CCDC171: variants seen among roughly 807,000 people sequenced by gnomAD.
CCDC171 encodes coiled-coil domain-containing protein 171.
CCDC171 carries 177 observed loss-of-function variants against 168.2 expected under a neutral mutation model. The observed-to-expected ratio is 1.05, with a 90% CI of 0.93 to 1.19. The LOEUF (loss-of-function observed/expected upper bound fraction) is 1.19. Among genes scored for constraint, CCDC171 ranks in the 50% most tolerant of loss-of-function variants. The pLI, the probability that CCDC171 is intolerant of heterozygous loss-of-function variation, is 0.00. For synonymous variants in CCDC171, 687 were observed against 540.8 expected (o/e 1.27, Z -3.75); for missense variants, 1,991 against 1,539.0 (o/e 1.29, Z -4.91).
intron 1 of CCDC171, among the ~76,000 whole-genome samples, chr9:16,050,236 T>A (rs1184440859): frequency 6.6e-6 from 1 of 152,240 alleles, no homozygotes; most frequent in Non-Finnish European, 1.5e-5. Context: ...TAATTGTTGA[T>A]AAGTCAAGTG....
intron 9 of CCDC171, among the ~76,000 whole-genome samples, chr9:15,677,849 G>A (rs1184897069): frequency 1.2e-4 from 11 of 90,740 alleles, no homozygotes; most frequent in Admixed American, 8.5e-4. Flanking sequence ...GTGTGTGTGT[G>A]TGTATGTATA....
At chr9:15,874,506 C>A in intron 23 of CCDC171, 26 bp from the exon 24 acceptor site, 2 of 1,571,008 alleles carry the variant, frequency 1.3e-6, no homozygotes, top group Non-Finnish European at 1.7e-6. Context: ...GGGGAATTAC[C>A]ATTGATGCTG....
intron 24 of CCDC171, among the ~76,000 whole-genome samples, chr9:15,910,105 C>A (rs1023220277): frequency 1.3e-5 from 2 of 151,776 alleles, no homozygotes; most frequent in African/African-American, 2.4e-5. Flanking sequence ...TAATTATATC[C>A]ATGTGGCTGC....
chr9:15,932,684 T>C lies in CCDC171; in HGVS notation c.3753+12262T>C, dbSNP rs76008848. Among the ~76,000 whole-genome samples, 177 of 152,048 alleles carry C rather than the reference T, an allele frequency of 1.2e-3. 1 individual carries two copies. In the South Asian group the frequency reaches 0.017, roughly 14 times the overall value. On this transcript the variant is annotated intron_variant, in intron 25 of 25. Coordinates refer to ENST00000380701, the MANE Select transcript of CCDC171 (RefSeq NM_173550.4). ...GGCGAATGTGGATGTCCTTGTTTTC[T>C]TCCTGATTTTAGGGGAAAAACGTCT...
At chr9:16,080,229 G>C in the CCDC171 span, among the ~76,000 whole-genome samples, 1 of 152,162 alleles carries the variant, frequency 6.6e-6, no homozygotes, top group African/African-American at 2.4e-5. Context: ...AACAAAGGCA[G>C]GTCCCCAGAT....
At chr9:15,677,798 C>A (rs1375440910) in intron 9 of CCDC171, among the ~76,000 whole-genome samples, 1 of 135,130 alleles carries the variant, frequency 7.4e-6, no homozygotes, top group Non-Finnish European at 1.6e-5. Context: ...TACCCCATCT[C>A]ATATATATAC....
Position 15,973,313 on chromosome 9 carries a change from GT to G in CCDC171, c.*1484del, listed in dbSNP as rs1336105040. On this transcript the variant is annotated 3_prime_UTR_variant, in exon 26 of 26. Coordinates refer to ENST00000380701, the MANE Select transcript of CCDC171 (RefSeq NM_173550.4). ...GAGTATAACAGTATGTATTACAGAA[GT>G]TTTTTTGTCTTATCTTTACAGTGAC... 6.6e-6 allele frequency: 1 copy of G among 151,324 alleles called. No homozygotes were observed. The highest frequency in any genetic ancestry group is 1.5e-5 in the Non-Finnish European group (1 of 67,922). 9.4% of individuals were successfully genotyped at this position (151,324 alleles called of 1,614,324 possible).
Position 15,778,990 on chromosome 9 carries a change from A to G in CCDC171, c.2921A>G (p.Lys974Arg), listed in dbSNP as rs2057503412. Residue 974 changes from lysine (K) to arginine (R), a missense_variant, in exon 20 of 26, where the codon AAG becomes AGG. Physicochemically the swap from Lys to Arg is conservative, Grantham distance 26. Transcript: ENST00000380701. ...CAGAAAAGCACAGCATCGTTGCAGA[A>G]GCAAATACTTGGATTTACACAAAGA... is the stretch of plus-strand genomic sequence containing the variant. The part of the protein sequence containing the change: ...PITKSTASLQ[K>R]QILGFTQRLH... 1 of 1,539,866 alleles carries G rather than the reference A, an allele frequency of 6.5e-7. No individual in the cohort carries two copies. Among genetic ancestry groups the G allele is most frequent in the Non-Finnish European group, 8.7e-7 (1 of 1,145,746 alleles).
At chr9:15,604,046 C>CT (rs1180867884) in intron 6 of CCDC171, among the ~76,000 whole-genome samples, 13 of 144,826 alleles carry the variant, frequency 9.0e-5, no homozygotes, top group South Asian at 4.3e-4. Context: ...GCATGTATGT[C>CT]TTTTTTTTTG....
intron 21 of CCDC171, 34 bp from the exon 22 acceptor site, chr9:15,846,668 C>T: frequency 6.2e-7 from 1 of 1,607,402 alleles, no homozygotes; most frequent in South Asian, 1.1e-5. Context: ...ATTATCAGGG[C>T]TGACAAGTAA....
chr9:15,777,583 T>A lies in CCDC171; in HGVS notation c.2672-17T>A. 1.3e-6 allele frequency: 2 copies of A among 1,553,972 alleles called. No individual in the cohort carries two copies. Among genetic ancestry groups the A allele is most frequent in the Non-Finnish European group, 1.8e-6 (2 of 1,136,310 alleles). On this transcript the variant is annotated splice_polypyrimidine_tract_variant and intron_variant, in intron 18 of 25. Coordinates refer to ENST00000380701, the MANE Select transcript of CCDC171 (RefSeq NM_173550.4). Reference sequence around the variant, plus strand: ...GACAATTCACATTTTTGTGCCTTTTTTTCTTTTTCTTTGAAGATCCAAATT... The same window carrying A: ...GACAATTCACATTTTTGTGCCTTTTATTCTTTTTCTTTGAAGATCCAAATT...
chr9:15,996,846 T>C (rs1192760032), intron 3 of CCDC171, among the ~76,000 whole-genome samples: 1 of 152,182 alleles, frequency 6.6e-6, no homozygotes, highest in East Asian at 1.9e-4. Flanking sequence ...GAAGACAAAT[T>C]GAGGTAAAGG....
At chr9:15,754,345 A>T (rs2055957581) in intron 18 of CCDC171, among the ~76,000 whole-genome samples, 1 of 152,122 alleles carries the variant, frequency 6.6e-6, no homozygotes, top group Non-Finnish European at 1.5e-5. Context: ...TGGGTCTCAG[A>T]TTCTTTGCCT....
At chr9:15,824,188 A>G (rs2136144751) in intron 21 of CCDC171, among the ~76,000 whole-genome samples, 1 of 152,172 alleles carries the variant, frequency 6.6e-6, no homozygotes, top group Admixed American at 6.6e-5. Context: ...GTTTATCTGT[A>G]TAGACATCCA....
At chr9:15,590,773 C>CTTTCTT (rs1563999520) in intron 4 of CCDC171, among the ~76,000 whole-genome samples, 3 of 75,602 alleles carry the variant, frequency 4.0e-5, no homozygotes, top group African/African-American at 1.6e-4. Context: ...CTTTCTTTCT[C>CTTTCTT]TTTCTTTCTT....
chr9:15,897,296 T>G (rs1821036083), intron 24 of CCDC171, among the ~76,000 whole-genome samples: 1 of 149,160 alleles, frequency 6.7e-6, no homozygotes, highest in Non-Finnish European at 1.5e-5. Context: ...TTTTTCCAAG[T>G]CATCTATTGT....
intron 1 of CCDC171, among the ~76,000 whole-genome samples, chr9:15,563,431 C>A (rs1436664338): frequency 6.6e-6 from 1 of 152,138 alleles, no homozygotes; most frequent in Non-Finnish European, 1.5e-5. Context: ...AGCCACCGCA[C>A]CCGGCTCAAG....
intron 3 of CCDC171, among the ~76,000 whole-genome samples, chr9:16,010,193 C>G (rs1488258234): frequency 6.6e-6 from 1 of 152,024 alleles, no homozygotes; most frequent in African/African-American, 2.4e-5. Context: ...TTTTGCCTCT[C>G]CATGGTACCT....
At chr9:15,673,776 C>T (rs892308605) in intron 9 of CCDC171, among the ~76,000 whole-genome samples, 13 of 152,224 alleles carry the variant, frequency 8.5e-5, no homozygotes, top group Middle Eastern at 6.8e-3. Context: ...ATTTTCGCAT[C>T]GATGTTCGTC....
Sources: gnomAD v4.1 joint callset for allele counts (sites outside exome capture counted in the v4.1 genomes callset) on GRCh38, gnomAD v4.1.1 for gene constraint, MANE v1.5 for transcripts, NCBI Gene and HGNC (gene_info 2026-07-23, HGNC 2026-07-21) for gene names.